SPTBN5: variants seen among roughly 807,000 people sequenced by gnomAD.
SPTBN5 encodes spectrin beta, non-erythrocytic 5.
A neutral mutation model predicts 477.6 loss-of-function variants in SPTBN5; 513 were observed. The observed-to-expected ratio is 1.07, with a 90% CI of 1.00 to 1.16. The LOEUF is 1.16. Among genes scored for constraint, SPTBN5 ranks in the 50% most tolerant of loss-of-function variants. The probability of loss-of-function intolerance (pLI) is 0.00; values close to 1 mark genes in which losing one functional copy is unlikely to be tolerated. For synonymous variants in SPTBN5, 2,169 were observed against 2,011.7 expected, an observed-to-expected ratio of 1.08 and a Z score of -2.09; for missense variants, 5,062 against 4,731.8, an observed-to-expected ratio of 1.07 and a Z score of -2.05.
chr15:41,858,076 C>T (rs917439159), intron 49 of SPTBN5, among the ~76,000 whole-genome samples: 2 of 152,154 alleles, frequency 1.3e-5, no homozygotes, highest in African/African-American at 2.4e-5. Context: ...GCAGGTGGAT[C>T]GCCTGAGCTC....
chr15:41,867,979 G>C, intron 34 of SPTBN5, 90 bp downstream of exon 34: 3 of 1,448,342 alleles, frequency 2.1e-6, no homozygotes, highest in Non-Finnish European at 2.7e-6. Flanking sequence ...GAAAAAGCCA[G>C]AGAGGCAGGA....
In SPTBN5 at chr15:41,860,767, A is replaced by G; in HGVS notation, c.7816-9T>C. The G allele has an allele frequency of 6.4e-7, 1 of 1,567,294 alleles. No homozygotes were observed. Among genetic ancestry groups the G allele is most frequent in the East Asian group, 2.3e-5 (1 of 43,012 alleles). On this transcript the variant is annotated splice_polypyrimidine_tract_variant and intron_variant, in intron 46 of 67. Coordinates refer to ENST00000320955, the MANE Select transcript of SPTBN5 (RefSeq NM_016642.4). ...ATGGGGGCCAAGGGGTCCTGGTGGG[A>G]GTGGGGAACCCAATACTGTCCATGA... is the stretch of plus-strand genomic sequence containing the variant.
intron 56 of SPTBN5, 131 bp from the exon 57 acceptor site, chr15:41,854,336 A>AGGGCCGTCTTCTC: frequency 9.2e-7 from 1 of 1,092,650 alleles, no homozygotes; most frequent in Non-Finnish European, 1.3e-6. Flanking sequence ...GTCCCCAGGT[A>AGGGCCGTCTTCTC]CAGAAACCAT....
intron 23 of SPTBN5, 64 bp from the exon 24 acceptor site, chr15:41,874,542 T>C (rs2066656681): frequency 7.3e-7 from 1 of 1,373,802 alleles, no homozygotes; most frequent in Non-Finnish European, 9.8e-7. Flanking sequence ...TCCTGGTTCT[T>C]TCCTTGGCCA....
chr15:41,890,054 T>A, intron 4 of SPTBN5, 35 bp downstream of exon 4: 1 of 1,460,872 alleles, frequency 6.8e-7, no homozygotes, highest in Non-Finnish European at 9.5e-7. Context: ...CTGGGCTGGG[T>A]CACCAGGTGC....
At chr15:41,867,442 T>C in intron 35 of SPTBN5, 96 bp downstream of exon 35, 1 of 1,195,854 alleles carries the variant, frequency 8.4e-7, no homozygotes, top group South Asian at 1.2e-5. Context: ...TCATCAGCAC[T>C]GCCTCCAGGA....
Position 41,863,942 on chromosome 15 carries a change from A to G in SPTBN5, c.7001T>C (p.Ile2334Thr). The G allele has an allele frequency of 6.2e-7, 1 of 1,613,796 alleles. No individual in the cohort carries two copies. Among genetic ancestry groups the G allele is most frequent in the Non-Finnish European group, 8.5e-7 (1 of 1,179,854 alleles). Reference sequence around the variant, plus strand: ...GAGCTGGCTTCGCCGCTGGCAGATGATCTTGACTTCCTCAGGGTCCCGGTT... The same window carrying G: ...GAGCTGGCTTCGCCGCTGGCAGATGGTCTTGACTTCCTCAGGGTCCCGGTT... The part of the protein sequence containing the change: ...LKNRDPEEVK[I>T]ICQRRSQLNN... Residue 2334 changes from isoleucine to threonine, a missense_variant, in exon 40 of 68, where the codon ATC becomes ACC. Transcript: ENST00000320955.
At chr15:41,855,792 G>C (rs2065915471) in intron 53 of SPTBN5, 47 bp from the exon 54 acceptor site, 1 of 1,484,728 alleles carries the variant, frequency 6.7e-7, no homozygotes, top group Non-Finnish European at 9.0e-7. Context: ...CACCCTCCAG[G>C]GCTCAGGATT....
chr15:41,876,709 G>T, intron 19 of SPTBN5, 62 bp from the exon 20 acceptor site: 1 of 1,586,812 alleles, frequency 6.3e-7, no homozygotes, highest in Non-Finnish European at 8.6e-7. Context: ...AGCACGAGGT[G>T]CACTCTCCCC....
At chr15:41,859,290 C>A (rs977740115) in intron 47 of SPTBN5, among the ~76,000 whole-genome samples, 2 of 152,180 alleles carry the variant, frequency 1.3e-5, no homozygotes, top group African/African-American at 4.8e-5. Context: ...TCCCGAGTAG[C>A]TAGGACTATA....
Position 41,858,930 on chromosome 15 carries a change from T to A in SPTBN5, c.8039A>T (p.Glu2680Val). 6.3e-7 allele frequency: 1 copy of A among 1,595,042 alleles called. No individual in the cohort carries two copies. The highest frequency in any genetic ancestry group is 8.6e-7 in the Non-Finnish European group (1 of 1,168,776). ...CAGGAAGGCCTGCAGCTGCCGGAGC[T>A]CCTCCAGGCGATGGCGGCGGGTCCC... The part of the protein sequence containing the change: ...QAGTRRHRLE[E>V]LRQLQAFLQD... Residue 2680 changes from glutamate to valine, a missense_variant, in exon 48 of 68, where the codon GAG (glutamate) becomes GTG (valine). By Grantham distance (121) the Glu-to-Val change is moderately radical. Coordinates refer to ENST00000320955, the MANE Select transcript of SPTBN5 (RefSeq NM_016642.4).
In SPTBN5 at chr15:41,851,314, C is replaced by T. The variant is rs1482553582; in HGVS notation, c.10712G>A (p.Ser3571Asn). The T allele has an allele frequency of 6.4e-7, 1 of 1,551,240 alleles. No individual in the cohort carries two copies. The highest frequency in any genetic ancestry group is 8.7e-7 in the Non-Finnish European group (1 of 1,147,016). Residue 3571 changes from serine to asparagine, a missense_variant, in exon 64 of 68, where the codon AGC (serine) becomes AAC (asparagine). Coordinates refer to ENST00000320955, the MANE Select transcript of SPTBN5 (RefSeq NM_016642.4). ...TGCCATCCTCTCATCCAGGAACAGG[C>T]TCAGAGAGCTGCCCTGCAAGTTCCC... ...CRGNLQGSSL[S>N]LFLDERMAAE...
chr15:41,849,624 C>T (rs987300189), intron 67 of SPTBN5, among the ~76,000 whole-genome samples: 15 of 152,122 alleles, frequency 9.9e-5, no homozygotes, highest in Admixed American at 5.9e-4. Context: ...CTACAGGGTC[C>T]CCACACTAGA....
chr15:41,893,837 TG>T (rs1185530932), intron 1 of SPTBN5, 61 bp downstream of exon 1: 1 of 397,600 alleles, frequency 2.5e-6, no homozygotes, highest in Admixed American at 3.9e-5. Context: ...TGGTGATGCC[TG>T]GGTCCCACAG....
In SPTBN5 at chr15:41,870,294, C is replaced by T. The variant is rs1241533951; in HGVS notation, c.5622G>A (p.Gln1874=). The T allele has an allele frequency of 6.4e-7, 1 of 1,556,944 alleles. No individual in the cohort carries two copies. The highest frequency in any genetic ancestry group is 8.7e-7 in the Non-Finnish European group (1 of 1,150,592). The change falls in exon 31 of 68, where the codon CAG becomes CAA. Residue 1874 remains glutamine (Q), a synonymous_variant. Coordinates refer to ENST00000320955, the MANE Select transcript of SPTBN5 (RefSeq NM_016642.4). ...VARDLCGLEA[Q]LRSHQGLERE... ...GCTCCAGCCCCTGGTGGCTTCTCAGCTGCGCCTCCAGCCCACACAGGTCCC... is the reference window on the plus strand; with the variant it reads ...GCTCCAGCCCCTGGTGGCTTCTCAGTTGCGCCTCCAGCCCACACAGGTCCC...
intron 23 of SPTBN5, 37 bp from the exon 24 acceptor site, chr15:41,874,515 C>G (rs2140947732): frequency 6.6e-7 from 1 of 1,521,936 alleles, no homozygotes; most frequent in East Asian, 2.3e-5. Flanking sequence ...AGGTTGGGAA[C>G]AGAGTGAGCA....
chr15:41,873,535 C>T lies in SPTBN5; in HGVS notation c.4964G>A (p.Gly1655Asp). The change falls in exon 26 of 68, where the codon GGC (glycine) becomes GAC (aspartate). Residue 1655 changes from glycine to aspartate, a missense_variant. Gly to Asp is a moderately conservative substitution (Grantham distance 94). Transcript: ENST00000320955. ...CCTGAGGGTGGCTGCCTCGTCTCTG[C>T]CATAGTCCCGACTGCTCACCAGCGG... is the stretch of plus-strand genomic sequence containing the variant. ...KRPLVSSRDY[G>D]RDEAATLRLI... The T allele has an allele frequency of 6.4e-7, 1 of 1,552,070 alleles. No individual in the cohort carries two copies. The highest frequency in any genetic ancestry group is 8.7e-7 in the Non-Finnish European group (1 of 1,147,194).
rs1293459593 is a variant in SPTBN5 at position 41,887,313 on chromosome 15, G to A, written c.788C>T (p.Ala263Val). The A allele has an allele frequency of 6.4e-7, 1 of 1,551,134 alleles. No individual in the cohort carries two copies. Among genetic ancestry groups the A allele is most frequent in the Non-Finnish European group, 8.7e-7 (1 of 1,147,044 alleles). ...CATGATAGAGCGCTCATCTGGCTGT[G>A]CGGCTGCCACGTCCTCGGGGTCCAG... is the stretch of plus-strand genomic sequence containing the variant. ...QLLDPEDVAA[A>V]QPDERSIMTY... Residue 263 changes from alanine (A) to valine (V), a missense_variant, in exon 6 of 68, where the codon GCA becomes GTA. Ala to Val is a moderately conservative substitution (Grantham distance 64). Transcript: ENST00000320955.
At chr15:41,880,099 A>G in intron 14 of SPTBN5, 61 bp downstream of exon 14, 1 of 1,519,072 alleles carries the variant, frequency 6.6e-7, no homozygotes. Flanking sequence ...GAGTCACAGC[A>G]GCAGACCACA....
Sources: gnomAD v4.1 joint callset for allele counts (sites outside exome capture counted in the v4.1 genomes callset) on GRCh38, gnomAD v4.1.1 for gene constraint, MANE v1.5 for transcripts, NCBI Gene and HGNC (gene_info 2026-07-23, HGNC 2026-07-21) for gene names.